The following CYP27C1 variants were observed in gnomAD, a reference collection of about 807,000 sequenced individuals.
CYP27C1 encodes the protein cytochrome P450 27C1.
In CYP27C1, 29 loss-of-function variants were observed where a neutral mutation model predicts 40.6. The ratio of observed to expected loss-of-function variants is 0.71; its 90% CI spans 0.53 to 0.97. The LOEUF is 0.97. Among genes scored for constraint, CYP27C1 ranks in the 50% least tolerant of loss-of-function variants. CYP27C1 has a pLI of 0.00. For missense variants in CYP27C1, 390 were observed against 485.8 expected (o/e 0.80, Z 1.85); for synonymous variants, 198 against 186.8 (o/e 1.06, Z -0.49).
At chr2:127,192,396 C>T (rs545293534) in intron 8 of CYP27C1, among the ~76,000 whole-genome samples, 1 of 152,306 alleles carries the variant, frequency 6.6e-6, no homozygotes, top group East Asian at 1.9e-4. Context: ...ATTGACTTTA[C>T]TTTTATAAAA....
In CYP27C1 at chr2:127,208,266, T is replaced by C. The variant is rs1171319269; in HGVS notation, c.283-2176A>G. On this transcript the variant is annotated intron_variant, in intron 1 of 8. Transcript: ENST00000664447. This position sits in a 1 kb window ranked among gnomAD's most constrained non-coding sequence, Gnocchi z 5.2. ...GAACAGTGTAGTGCAGTGGCCCACCTGGAAGCCACACGGGGAAGGGAACCC... is the reference window on the plus strand; with the variant it reads ...GAACAGTGTAGTGCAGTGGCCCACCCGGAAGCCACACGGGGAAGGGAACCC... Among the ~76,000 whole-genome samples, 2 of 152,152 alleles carry C rather than the reference T, an allele frequency of 1.3e-5. No individual in the cohort carries two copies. Among genetic ancestry groups the C allele is most frequent in the African/African-American group, 4.8e-5 (2 of 41,448 alleles).
At chr2:127,215,450 A>G (rs911225830) in intron 1 of CYP27C1, among the ~76,000 whole-genome samples, 6 of 152,256 alleles carry the variant, frequency 3.9e-5, no homozygotes, top group African/African-American at 9.6e-5. Flanking sequence ...GTAAATCTTC[A>G]TGACCCTGGG....
rs189516784 is a variant in CYP27C1 at position 127,187,005 on chromosome 2, A to T, written c.*266T>A. The T allele has an allele frequency of 6.4e-4, 278 of 434,148 alleles. 2 individuals carry two copies. Among genetic ancestry groups the T allele is most frequent in the African/African-American group, 4.9e-3 (249 of 50,744 alleles). 26.9% of individuals were successfully genotyped at this position (434,148 alleles called of 1,614,324 possible). On this transcript the variant is annotated 3_prime_UTR_variant, in exon 9 of 9. Coordinates refer to ENST00000664447, the MANE Select transcript of CYP27C1 (RefSeq NM_001367502.1). ...AATATTGAGTCTAGCACAATGTATG[A>T]AGCATAAAAATTCACTGCCACTGGT...
intron 8 of CYP27C1, 70 bp downstream of exon 8, chr2:127,193,024 G>T: frequency 6.4e-7 from 1 of 1,562,310 alleles, no homozygotes; most frequent in Non-Finnish European, 8.7e-7. Context: ...CAACCTGGAA[G>T]TCTTTATCCT....
Position 127,201,910 on chromosome 2 carries a change from G to A in CYP27C1, c.674-579C>T, listed in dbSNP as rs1283047071. ...CAGCAGAAGTGGCCTGGATGAATCC[G>A]TGTCGGGCAGAGCTGTGAACTGTAT... On this transcript the variant is annotated intron_variant, in intron 3 of 8. Coordinates refer to ENST00000664447, the MANE Select transcript of CYP27C1 (RefSeq NM_001367502.1). This position sits in a 1 kb window ranked among gnomAD's most constrained non-coding sequence, Gnocchi z 6.0. 6.6e-6 allele frequency among the ~76,000 whole-genome samples: 1 copy of A among 152,190 alleles called. No individual in the cohort carries two copies. The highest frequency in any genetic ancestry group is 1.5e-5 in the Non-Finnish European group (1 of 68,038).
chr2:127,216,718 A>G (rs1683437230), intron 1 of CYP27C1, among the ~76,000 whole-genome samples: 2 of 152,242 alleles, frequency 1.3e-5, no homozygotes, highest in African/African-American at 4.8e-5. Context: ...AGAAATCACA[A>G]TAAATGTAAA....
chr2:127,211,361 G>GTTTTTTTTTTTTTTTT (rs1156982574), intron 1 of CYP27C1, among the ~76,000 whole-genome samples: 2 of 103,638 alleles, frequency 1.9e-5, no homozygotes, highest in African/African-American at 7.9e-5. Flanking sequence ...CTAAAGCAGT[G>GTTTTTTTTTTTTTTTT]TTTTTTTGTT....
At position 127,186,174 on chromosome 2, in the gene CYP27C1, G is replaced by A. The variant is rs890724661; in HGVS notation, c.*1097C>T. On this transcript the variant is annotated 3_prime_UTR_variant, in exon 9 of 9. Coordinates refer to ENST00000664447, the MANE Select transcript of CYP27C1 (RefSeq NM_001367502.1). This position sits in a 1 kb window ranked among gnomAD's most constrained non-coding sequence, Gnocchi z 4.5. ...GTCATCATATTTCCAGTTCTTATACGTCTGCTCTACTCTGTATTTAGATTT... is the reference window on the plus strand; with the variant it reads ...GTCATCATATTTCCAGTTCTTATACATCTGCTCTACTCTGTATTTAGATTT... The A allele has an allele frequency of 1.3e-5, 2 of 151,762 alleles. No individual in the cohort carries two copies. The highest frequency in any genetic ancestry group is 6.6e-5 in the Admixed American group (1 of 15,252). 9.4% of individuals were successfully genotyped at this position (151,762 alleles called of 1,614,324 possible).
intron 1 of CYP27C1, among the ~76,000 whole-genome samples, chr2:127,213,173 C>T (rs1237961645): frequency 1.3e-5 from 2 of 152,022 alleles, no homozygotes; most frequent in Non-Finnish European, 2.9e-5. Context: ...AGAGAGGACA[C>T]AAACAAATGG....
At position 127,195,855 on chromosome 2, in the gene CYP27C1, T is replaced by C. The variant is rs968187336; in HGVS notation, c.1048-354A>G. The stretch of plus-strand genomic sequence containing the variant: ...CTGGAGGATCTGCTGGGACTTTGTG[T>C]GACCTTCTTTGCAGGGCTTGCTCGG... On this transcript the variant is annotated intron_variant, in intron 5 of 8. Transcript: ENST00000664447. The surrounding 1 kb of genome is among the most constrained non-coding windows in gnomAD (Gnocchi z 6.2). Among the ~76,000 whole-genome samples, 1 of 152,136 alleles carries C rather than the reference T, an allele frequency of 6.6e-6. No homozygotes were observed. The highest frequency in any genetic ancestry group is 6.5e-5 in the Admixed American group (1 of 15,288).
rs1682883511 is a variant in CYP27C1, at chr2:127,195,569, G to A, written c.1048-68C>T. The A allele has an allele frequency of 1.3e-6, 2 of 1,543,820 alleles. No homozygotes were observed. Among genetic ancestry groups the A allele is most frequent in the African/African-American group, 2.7e-5 (2 of 73,406 alleles). On this transcript the variant is annotated intron_variant, in intron 5 of 8. Transcript: ENST00000664447. The surrounding 1 kb of genome is among the most constrained non-coding windows in gnomAD (Gnocchi z 6.2). ...ACCAGGGACTGAAACAGAGGCGGTG[G>A]CAGGTAGGAAGTCCCCTGGGAATAC...
intron 7 of CYP27C1, 105 bp from the exon 8 acceptor site, chr2:127,193,402 T>A: frequency 7.3e-7 from 1 of 1,376,736 alleles, no homozygotes; most frequent in Non-Finnish European, 1.0e-6. Flanking sequence ...TGCTCCCGCC[T>A]GGGGGCCGCC....
Position 127,204,551 on chromosome 2 carries a change from G to GAAAGAAAGAA in CYP27C1, c.474-981_474-980insTTCTTTCTTT, listed in dbSNP as rs1348322397. 1.1e-3 allele frequency among the ~76,000 whole-genome samples: 57 copies of GAAAGAAAGAA among 51,278 alleles called. 2 individuals are homozygous for GAAAGAAAGAA. Among genetic ancestry groups the GAAAGAAAGAA allele is most frequent in the African/African-American group, 2.4e-3 (36 of 14,724 alleles). 33.6% of individuals were successfully genotyped at this position (51,278 alleles called of 152,430 possible). ...AAAGAAAGAAAGAGAGAGAGAGAGAGAGAGAGAAAGAAAGAAAGAAAGAAA... is the reference window on the plus strand; with the variant it reads ...AAAGAAAGAAAGAGAGAGAGAGAGAGAAAGAAAGAAAGAGAGAAAGAAAGAAAGAAAGAAA... On this transcript the variant is annotated intron_variant, in intron 2 of 8. Transcript: ENST00000664447.
At chr2:127,187,412 G>T in intron 8 of CYP27C1, 25 bp from the exon 9 acceptor site, 1 of 1,591,318 alleles carries the variant, frequency 6.3e-7, no homozygotes, top group Non-Finnish European at 8.6e-7. Context: ...AGAGAGAAGG[G>T]GTCAGAATTG....
rs192669263 is a variant in CYP27C1 at position 127,199,015 on chromosome 2, T to A, written c.1047+361A>T. 1.6e-4 allele frequency among the ~76,000 whole-genome samples: 25 copies of A among 152,352 alleles called. No homozygotes were observed. The East Asian group carries it at 4.2e-3, about 26-fold the overall frequency. On this transcript the variant is annotated intron_variant, in intron 5 of 8. Transcript: ENST00000664447. The stretch of plus-strand genomic sequence containing the variant: ...AAAAGTAGACAACGGCCAGTCGCAG[T>A]GGCTCATGCCTGTAATCCCAGCACT...
Position 127,209,116 on chromosome 2 carries a change from C to T in CYP27C1, c.283-3026G>A, listed in dbSNP as rs34441363. 0.18 allele frequency among the ~76,000 whole-genome samples: 26,723 copies of T among 152,034 alleles called. 2,834 individuals carry two copies. Among genetic ancestry groups the T allele is most frequent in the East Asian group, 0.29 (1,495 of 5,170 alleles). On this transcript the variant is annotated intron_variant, in intron 1 of 8. Transcript: ENST00000664447. This position sits in a 1 kb window ranked among gnomAD's most constrained non-coding sequence, Gnocchi z 4.1. ...AATCCTACTGGCATCAGGTTGATGCCCCTTGAGGTCAGAGGTCCCAGAAGA... is the reference window on the plus strand; with the variant it reads ...AATCCTACTGGCATCAGGTTGATGCTCCTTGAGGTCAGAGGTCCCAGAAGA...
At chr2:127,194,396 A>T (rs1015493077) in intron 6 of CYP27C1, among the ~76,000 whole-genome samples, 2 of 152,252 alleles carry the variant, frequency 1.3e-5, no homozygotes, top group African/African-American at 4.8e-5. Flanking sequence ...GTCAGCTTTG[A>T]AAGAATTCTT....
rs1255447367 is a variant in CYP27C1, at chr2:127,195,186, T to C, written c.1214+149A>G. 1.1e-6 allele frequency: 1 copy of C among 949,334 alleles called. No homozygotes were observed. The highest frequency in any genetic ancestry group is 1.6e-5 in the African/African-American group (1 of 60,696). The allele number at this position is 949,334 out of a possible 1,614,324, so 58.8% of individuals were successfully genotyped here. A position where few individuals can be genotyped will look rare whatever the true frequency, so the allele number is the denominator to read the frequency against. Reference sequence around the variant, plus strand: ...CCATAAAACAGAATGGTCTTTCTGCTATTCTGACAAGAGCAGAGAAAAAAT... The same window carrying C: ...CCATAAAACAGAATGGTCTTTCTGCCATTCTGACAAGAGCAGAGAAAAAAT... On this transcript the variant is annotated intron_variant, in intron 6 of 8. Transcript: ENST00000664447. The surrounding 1 kb of genome is among the most constrained non-coding windows in gnomAD (Gnocchi z 6.2).
At chr2:127,193,386 C>T in intron 7 of CYP27C1, 89 bp from the exon 8 acceptor site, 10 of 1,524,486 alleles carry the variant, frequency 6.6e-6, no homozygotes, top group Non-Finnish European at 8.1e-6. Context: ...GGACAGTCTC[C>T]CGGGGTGCTC....
Sources: gnomAD v4.1 joint callset for allele counts (sites outside exome capture counted in the v4.1 genomes callset) on GRCh38, gnomAD v4.1.1 for gene constraint, Gnocchi (gnomAD v3.1) non-coding constraint, MANE v1.5 for transcripts, NCBI Gene and HGNC (gene_info 2026-07-23, HGNC 2026-07-21) for gene names.